LIN28A: variants seen among roughly 807,000 people sequenced by gnomAD.
LIN28A encodes the protein lin-28 RNA binding posttranscriptional regulator A, also known as protein lin-28 homolog A.
Under a neutral mutation model 21.1 loss-of-function variants are expected in LIN28A, and 11 were observed. The ratio of observed to expected loss-of-function variants is 0.52; its 90% CI spans 0.33 to 0.86. The LOEUF (loss-of-function observed/expected upper bound fraction) is 0.86. LIN28A is among the 40% of genes least tolerant of loss of function. The probability of loss-of-function intolerance (pLI) is 0.03; values close to 1 mark genes in which losing one functional copy is unlikely to be tolerated. For synonymous variants in LIN28A, 111 were observed against 108.7 expected, an observed-to-expected ratio of 1.02 and a Z score of -0.13; for missense variants, 219 against 279.8, an observed-to-expected ratio of 0.78 and a Z score of 1.55.
chr1:26,423,929 AT>A (rs2075043337), intron 2 of LIN28A, among the ~76,000 whole-genome samples: 1 of 150,270 alleles, frequency 6.7e-6, no homozygotes, highest in African/African-American at 2.5e-5. Flanking sequence ...CGCCTGGCTA[AT>A]TTTTTGTATT....
At chr1:26,413,824 G>GTT (rs2074976778) in intron 2 of LIN28A, among the ~76,000 whole-genome samples, 3 of 90,176 alleles carry the variant, frequency 3.3e-5, no homozygotes, top group African/African-American at 1.4e-4. Context: ...TTTGTTTGTT[G>GTT]CTTTTTTTTT....
rs9438623 is a variant in LIN28A, at chr1:26,429,428, A to G, written c.*2970A>G. On this transcript the variant is annotated 3_prime_UTR_variant, in exon 4 of 4. Coordinates refer to ENST00000326279, the MANE Select transcript of LIN28A (RefSeq NM_024674.6). ...GAATGTAACTCCATGTTTACTGCTAAAAACCAAAGCTTTGTGTAAAATCTT... is the reference window on the plus strand; with the variant it reads ...GAATGTAACTCCATGTTTACTGCTAGAAACCAAAGCTTTGTGTAAAATCTT... 0.88 allele frequency: 134,835 copies of G among 152,662 alleles called. 59,802 individuals carry two copies. The highest frequency in any genetic ancestry group is 1 in the East Asian group (5,175 of 5,186). 9.5% of individuals were successfully genotyped at this position (152,662 alleles called of 1,614,324 possible). A position where few individuals can be genotyped will look rare whatever the true frequency, so the allele number is the denominator to read the frequency against.
chr1:26,412,491 G>A (rs995436475), intron 2 of LIN28A, among the ~76,000 whole-genome samples: 4 of 152,172 alleles, frequency 2.6e-5, no homozygotes, highest in Admixed American at 1.3e-4. Flanking sequence ...GAGGCATTCC[G>A]GTGGTCCTGG....
chr1:26,422,530 T>C (rs903526107), intron 2 of LIN28A, among the ~76,000 whole-genome samples: 1 of 152,162 alleles, frequency 6.6e-6, no homozygotes, highest in Non-Finnish European at 1.5e-5. Context: ...AGTCCTGTTT[T>C]ATAGGAATGT....
In LIN28A at chr1:26,426,178, C is replaced by T. The variant is rs1367335054; in HGVS notation, c.414-64C>T. 55 of 1,337,752 alleles carry T rather than the reference C, an allele frequency of 4.1e-5. No individual in the cohort carries two copies. In the Middle Eastern group the frequency reaches 9.0e-4, roughly 22 times the overall value. 82.9% of individuals were successfully genotyped at this position (1,337,752 alleles called of 1,614,324 possible). On this transcript the variant is annotated intron_variant, in intron 3 of 3. Coordinates refer to ENST00000326279, the MANE Select transcript of LIN28A (RefSeq NM_024674.6). ...GTACCAGAGCCCAGGTGTCCTCATTCGTGGGAGGCATCTGGCCTCTTCTTG... is the reference window on the plus strand; with the variant it reads ...GTACCAGAGCCCAGGTGTCCTCATTTGTGGGAGGCATCTGGCCTCTTCTTG...
At chr1:26,425,886 T>C (rs751208109) in intron 3 of LIN28A, among the ~76,000 whole-genome samples, 4 of 152,256 alleles carry the variant, frequency 2.6e-5, no homozygotes, top group Non-Finnish European at 4.4e-5. Flanking sequence ...TTAAAGCCCC[T>C]TAGCTCTGAA....
intron 3 of LIN28A, 31 bp from the exon 4 acceptor site, chr1:26,426,209 TTC>T (rs1331004211): frequency 3.2e-6 from 5 of 1,583,714 alleles, no homozygotes; most frequent in Non-Finnish European, 3.5e-6. Context: ...TCTTGCTCCT[TTC>T]TCTTACTTTT....
At position 26,426,948 on chromosome 1, in the gene LIN28A, T is replaced by G; in HGVS notation, c.*490T>G. The G allele has an allele frequency of 5.8e-6, 1 of 171,238 alleles. No individual in the cohort carries two copies. The highest frequency in any genetic ancestry group is 1.6e-4 in the East Asian group (1 of 6,194). The allele number at this position is 171,238 out of a possible 1,614,324, so 10.6% of individuals were successfully genotyped here. ...CATACCCACTTTTGGGATAGGGTGC[T>G]GGCAGCTGTCCCAAGCAATGGGTAA... is the stretch of plus-strand genomic sequence containing the variant. On this transcript the variant is annotated 3_prime_UTR_variant, in exon 4 of 4. Transcript: ENST00000326279.
At chr1:26,413,775 A>G (rs1168327520) in intron 2 of LIN28A, among the ~76,000 whole-genome samples, 1 of 145,196 alleles carries the variant, frequency 6.9e-6, no homozygotes, top group Non-Finnish European at 1.5e-5. Flanking sequence ...TAGATTAGTG[A>G]TTCCAGTCTT....
chr1:26,423,413 CTTTTTTTTT>C (rs1202952934), intron 2 of LIN28A, among the ~76,000 whole-genome samples: 11 of 78,820 alleles, frequency 1.4e-4, no homozygotes, highest in Admixed American at 2.1e-4. Flanking sequence ...TTTTCTTTTT[CTTTTTTTTT>C]TTTTTTTTTT....
intron 3 of LIN28A, among the ~76,000 whole-genome samples, chr1:26,425,864 T>C (rs1051329706): frequency 4.6e-5 from 7 of 152,240 alleles, no homozygotes; most frequent in Admixed American, 2.0e-4. Flanking sequence ...GTTTCCTTAA[T>C]CTTGCTTGGG....
In LIN28A at chr1:26,425,323, G is replaced by C; in HGVS notation, c.249G>C (p.Gly83=). The change falls in exon 3 of 4, where the codon GGG becomes GGC. Residue 83 remains glycine, a synonymous_variant. Coordinates refer to ENST00000326279, the MANE Select transcript of LIN28A (RefSeq NM_024674.6). ...ACCAGAGTAAGCTGCACATGGAAGG[G>C]TTCCGGAGCTTGAAGGAGGGTGAGG... ...FVHQSKLHME[G]FRSLKEGEAV... The C allele has an allele frequency of 6.2e-7, 1 of 1,613,602 alleles. No individual in the cohort carries two copies. Among genetic ancestry groups the C allele is most frequent in the Non-Finnish European group, 8.5e-7 (1 of 1,179,990 alleles).
rs2075065219 is a variant in LIN28A at position 26,427,217 on chromosome 1, G to A, written c.*759G>A. 6.6e-6 allele frequency: 1 copy of A among 152,568 alleles called. No individual in the cohort carries two copies. 9.5% of individuals were successfully genotyped at this position (152,568 alleles called of 1,614,324 possible). ...TGTATTTTTGTATATTTTAATCTAAGGCCCTCATTTCCTGCACTGTGTTCT... is the reference window on the plus strand; with the variant it reads ...TGTATTTTTGTATATTTTAATCTAAAGCCCTCATTTCCTGCACTGTGTTCT... On this transcript the variant is annotated 3_prime_UTR_variant, in exon 4 of 4. Coordinates refer to ENST00000326279, the MANE Select transcript of LIN28A (RefSeq NM_024674.6).
Position 26,428,293 on chromosome 1 carries a change from C to T in LIN28A, c.*1835C>T, listed in dbSNP as rs2075072191. On this transcript the variant is annotated 3_prime_UTR_variant, in exon 4 of 4. Coordinates refer to ENST00000326279, the MANE Select transcript of LIN28A (RefSeq NM_024674.6). ...TCTTAAAGTGGGGATCTTGAACCAT[C>T]CTTTCTTTTGTATTCCCCTTCCCCT... is the stretch of plus-strand genomic sequence containing the variant. 6.6e-6 allele frequency: 1 copy of T among 152,490 alleles called. No homozygotes were observed. The highest frequency in any genetic ancestry group is 2.1e-4 in the South Asian group (1 of 4,828). The allele number at this position is 152,490 out of a possible 1,614,324, so 9.4% of individuals were successfully genotyped here.
intron 2 of LIN28A, among the ~76,000 whole-genome samples, chr1:26,419,966 T>C (rs1241563699): frequency 1.3e-5 from 2 of 152,126 alleles, no homozygotes; most frequent in Admixed American, 6.5e-5. Flanking sequence ...TAATATAATC[T>C]TTATTTTTTG....
intron 2 of LIN28A, among the ~76,000 whole-genome samples, chr1:26,420,520 C>T (rs1172517179): frequency 6.7e-6 from 1 of 149,496 alleles, no homozygotes; most frequent in East Asian, 2.0e-4. Flanking sequence ...AGAAGAATCG[C>T]TTAAACCCAG....
At position 26,426,510 on chromosome 1, in the gene LIN28A, G is replaced by T; in HGVS notation, c.*52G>T. ...TGCTATCAGGAAGTTTTGAGGAGCA[G>T]GCAGAGTGGAGAAAGTGGGAATAGG... is the stretch of plus-strand genomic sequence containing the variant. On this transcript the variant is annotated 3_prime_UTR_variant, in exon 4 of 4. Coordinates refer to ENST00000326279, the MANE Select transcript of LIN28A (RefSeq NM_024674.6). 6.9e-7 allele frequency: 1 copy of T among 1,439,580 alleles called. No individual in the cohort carries two copies. Among genetic ancestry groups the T allele is most frequent in the South Asian group, 1.2e-5 (1 of 85,882 alleles). The allele number at this position is 1,439,580 out of a possible 1,614,324, so 89.2% of individuals were successfully genotyped here.
chr1:26,420,601 C>CAAAA lies in LIN28A; in HGVS notation c.229-4687_229-4684dup, dbSNP rs10643062. Among the ~76,000 whole-genome samples, 24 of 129,214 alleles carry CAAAA rather than the reference C, an allele frequency of 1.9e-4. 1 individual carries two copies. The highest frequency in any genetic ancestry group is 3.3e-4 in the Admixed American group (4 of 12,264). The allele number at this position is 129,214 out of a possible 152,430, so 84.8% of individuals were successfully genotyped here. Reference sequence around the variant, plus strand: ...CATGGGCGACAGAGCAAGACTTTCTCAAAAAAAAAAAAAAAAAATTAAGTG... The same window carrying CAAAA: ...CATGGGCGACAGAGCAAGACTTTCTCAAAAAAAAAAAAAAAAAAAAAATTAAGTG... On this transcript the variant is annotated intron_variant, in intron 2 of 3. Coordinates refer to ENST00000326279, the MANE Select transcript of LIN28A (RefSeq NM_024674.6).
Position 26,411,417 on chromosome 1 carries a change from C to T in LIN28A, c.63C>T (p.Pro21=). ...GGCAKAAEEA[P]EEAPEDAARA... Reference sequence around the variant, plus strand: ...GCGCCAAGGCGGCAGAAGAGGCGCCCGAGGAGGCGCCGGAGGACGCGGCCC... The same window carrying T: ...GCGCCAAGGCGGCAGAAGAGGCGCCTGAGGAGGCGCCGGAGGACGCGGCCC... The change falls in exon 2 of 4, where the codon CCC becomes CCT. Residue 21 remains proline (P), a synonymous_variant. Transcript: ENST00000326279. The surrounding 1 kb of genome is among the most constrained non-coding windows in gnomAD (Gnocchi z 5.4). 1.2e-6 allele frequency: 2 copies of T among 1,603,084 alleles called. No individual in the cohort carries two copies. Among genetic ancestry groups the T allele is most frequent in the South Asian group, 1.1e-5 (1 of 90,070 alleles).
Sources: gnomAD v4.1 joint callset for allele counts (sites outside exome capture counted in the v4.1 genomes callset) on GRCh38, gnomAD v4.1.1 for gene constraint, Gnocchi (gnomAD v3.1) non-coding constraint, MANE v1.5 for transcripts, NCBI Gene and HGNC (gene_info 2026-07-23, HGNC 2026-07-21) for gene names.